DGKG: variants seen among roughly 807,000 people sequenced by gnomAD.
DGKG encodes DAG kinase gamma.
DGKG carries 78 observed loss-of-function variants against 105.3 expected under a neutral mutation model. The ratio of observed to expected loss-of-function variants is 0.74; its 90% CI spans 0.62 to 0.89. DGKG has a LOEUF of 0.89. Ranked by LOEUF, DGKG falls within the 40% of genes least tolerant of loss-of-function variation. The pLI is 0.00. For missense variants in DGKG, 958 were observed against 1,020.1 expected (o/e 0.94, Z 0.83); for synonymous variants, 346 against 367.1 (o/e 0.94, Z 0.66).
At chr3:186,325,298 A>G (rs952715791) in intron 1 of DGKG, among the ~76,000 whole-genome samples, 3 of 152,192 alleles carry the variant, frequency 2.0e-5, no homozygotes, top group African/African-American at 7.2e-5. Flanking sequence ...ATTGGGTACT[A>G]TGCTCACTAC....
At chr3:186,187,014 T>C (rs1314325898) in intron 22 of DGKG, among the ~76,000 whole-genome samples, 1 of 151,720 alleles carries the variant, frequency 6.6e-6, no homozygotes, top group East Asian at 1.9e-4. Context: ...GGAACCAGAG[T>C]GGAGGAGGCA....
intron 16 of DGKG, among the ~76,000 whole-genome samples, chr3:186,259,452 A>G (rs1240007654): frequency 1.3e-5 from 2 of 152,206 alleles, no homozygotes; most frequent in Non-Finnish European, 2.9e-5. Context: ...AAATCATGGC[A>G]GGTGTACTGA....
intron 19 of DGKG, among the ~76,000 whole-genome samples, chr3:186,248,745 T>C (rs1006799298): frequency 6.6e-6 from 1 of 152,154 alleles, no homozygotes; most frequent in Non-Finnish European, 1.5e-5. Flanking sequence ...GGCACAAAGC[T>C]CAGTGGTCCA....
In DGKG at chr3:186,157,764, T is replaced by C. The variant is rs574044967; in HGVS notation, c.2277+3839A>G. 5.9e-5 allele frequency among the ~76,000 whole-genome samples: 9 copies of C among 152,306 alleles called. 2 individuals carry two copies. The South Asian group carries it at 1.9e-3, about 32-fold the overall frequency. On this transcript the variant is annotated intron_variant, in intron 24 of 24. Coordinates refer to ENST00000265022, the MANE Select transcript of DGKG (RefSeq NM_001346.3). ...CATCGCCCAGGCTGGAGTGCAGTAG[T>C]GTGATCTTGGCTCACTGCAACCTCT...
intron 20 of DGKG, among the ~76,000 whole-genome samples, chr3:186,229,013 A>G (rs138567709): frequency 2.6e-5 from 4 of 152,316 alleles, no homozygotes; most frequent in African/African-American, 9.6e-5. Context: ...GGGTGGGTCC[A>G]ATCCAGTGAC....
chr3:186,278,961 T>C (rs942738541), intron 9 of DGKG, among the ~76,000 whole-genome samples: 1 of 152,212 alleles, frequency 6.6e-6, no homozygotes, highest in African/African-American at 2.4e-5. Context: ...GTGAGTTCAC[T>C]TGGTAAATAG....
At chr3:186,165,217 T>C (rs1716482965) in intron 22 of DGKG, among the ~76,000 whole-genome samples, 199 bp from the exon 23 acceptor site, 1 of 152,184 alleles carries the variant, frequency 6.6e-6, no homozygotes, top group East Asian at 1.9e-4. Context: ...ATGGTCAGTT[T>C]TAGTGAAAAA....
rs750845987 is a variant in DGKG, at chr3:186,297,394, C to T, written c.373+27G>A. On this transcript the variant is annotated intron_variant, in intron 5 of 24. Transcript: ENST00000265022. ...AGGATGAGGTATTCCCTACTTTTCC[C>T]ACAAGTCTTATATTCCAAAGACTTA... 5.1e-6 allele frequency: 8 copies of T among 1,582,768 alleles called. No homozygotes were observed. The South Asian group carries it at 8.9e-5, about 18-fold the overall frequency.
At chr3:186,253,050 G>A (rs1173562149) in intron 18 of DGKG, 43 bp downstream of exon 18, 1 of 1,560,750 alleles carries the variant, frequency 6.4e-7, no homozygotes, top group Non-Finnish European at 8.8e-7. Flanking sequence ...CTGTAAACAG[G>A]AACACCTGTT....
chr3:186,198,329 C>T (rs1377752745), intron 21 of DGKG, among the ~76,000 whole-genome samples: 1 of 152,158 alleles, frequency 6.6e-6, no homozygotes, highest in Non-Finnish European at 1.5e-5. Flanking sequence ...GAAGGAAATC[C>T]ATACCTGAAC....
At chr3:186,262,069 C>CTGTAGGT in intron 14 of DGKG, 2 of 279,788 alleles carry the variant, frequency 7.1e-6, no homozygotes, top group Non-Finnish European at 1.4e-5. Context: ...GTACCTACAG[C>CTGTAGGT]ACAAGATGAA....
rs541217190 is a variant in DGKG at position 186,255,442 on chromosome 3, TCC to T, written c.1511-2262_1511-2261del. On this transcript the variant is annotated intron_variant, in intron 17 of 24. Coordinates refer to ENST00000265022, the MANE Select transcript of DGKG (RefSeq NM_001346.3). ...GGCTGGTGGGTGTGTCAGGGGAGGC[TCC>T]CCTGAGTAAGCCACATGTCAGCTGA... Among the ~76,000 whole-genome samples the T allele has an allele frequency of 1.4e-4, 21 of 152,246 alleles. No homozygotes were observed. In the East Asian group the frequency reaches 4.1e-3, roughly 29 times the overall value.
At chr3:186,298,509 G>T (rs1723709640) in intron 3 of DGKG, among the ~76,000 whole-genome samples, 1 of 152,174 alleles carries the variant, frequency 6.6e-6, no homozygotes, top group Non-Finnish European at 1.5e-5. Flanking sequence ...AATAAGAAAT[G>T]ATATTATGTA....
At chr3:186,333,850 A>G (rs1418300763) in intron 1 of DGKG, among the ~76,000 whole-genome samples, 2 of 152,106 alleles carry the variant, frequency 1.3e-5, no homozygotes, top group Non-Finnish European at 2.9e-5. Flanking sequence ...GCGGCGTGGT[A>G]TGTACGTGTG....
In DGKG at chr3:186,275,684, T is replaced by C. The variant is rs1187090947; in HGVS notation, c.793-20A>G. 1 of 1,597,552 alleles carries C rather than the reference T, an allele frequency of 6.3e-7. No homozygotes were observed. The highest frequency in any genetic ancestry group is 2.2e-5 in the East Asian group (1 of 44,454). On this transcript the variant is annotated intron_variant, in intron 9 of 24. Transcript: ENST00000265022. Reference sequence around the variant, plus strand: ...GGAGCCCTGCAGGGGTAATAGGAGGTGAGACCCCAAGCTGGCTGCCCTGAG... The same window carrying C: ...GGAGCCCTGCAGGGGTAATAGGAGGCGAGACCCCAAGCTGGCTGCCCTGAG...
chr3:186,321,949 A>G (rs1438420066), intron 1 of DGKG, among the ~76,000 whole-genome samples: 1 of 152,208 alleles, frequency 6.6e-6, no homozygotes, highest in Admixed American at 6.5e-5. Flanking sequence ...TCCTTGGCAC[A>G]TGCTACTGTC....
chr3:186,311,942 C>T (rs948302521), intron 2 of DGKG, among the ~76,000 whole-genome samples: 1 of 132,288 alleles, frequency 7.6e-6, no homozygotes, highest in East Asian at 2.0e-4. Context: ...AGGTGAAACC[C>T]CGTCTCTACT....
At chr3:186,245,706 C>T (rs1408136925) in intron 19 of DGKG, among the ~76,000 whole-genome samples, 5 of 152,104 alleles carry the variant, frequency 3.3e-5, no homozygotes, top group Non-Finnish European at 1.5e-5. Context: ...GGACATAGAG[C>T]CTCTTTCCTG....
At chr3:186,336,395 G>T (rs1263529489) in intron 1 of DGKG, among the ~76,000 whole-genome samples, 3 of 152,020 alleles carry the variant, frequency 2.0e-5, no homozygotes, top group African/African-American at 7.3e-5. Flanking sequence ...TAAAAAAAAT[G>T]TAAATATGAA....
Sources: allele counts gnomAD v4.1 joint callset (sites outside exome capture counted in the v4.1 genomes callset), GRCh38; gene constraint gnomAD v4.1.1; transcripts MANE v1.5; gene names NCBI Gene and HGNC (gene_info 2026-07-23, HGNC 2026-07-21).